Variants in BTBD8 observed in about 807,000 individuals in gnomAD.
BTBD8 encodes BTB domain containing 8.
Under a neutral mutation model 162.9 loss-of-function variants are expected in BTBD8, and 110 were observed. The ratio of observed to expected loss-of-function variants is 0.68; its 90% CI spans 0.58 to 0.79. The LOEUF is 0.79. BTBD8 is among the 30% of genes least tolerant of loss of function. The pLI is 0.00. For missense variants in BTBD8, 1,905 were observed against 2,085.4 expected, an observed-to-expected ratio of 0.91 and a Z score of 1.68; for synonymous variants, 667 against 716.1, an observed-to-expected ratio of 0.93 and a Z score of 1.10.
At chr1:92,175,919 A>T (rs1326911797) in intron 13 of BTBD8, among the ~76,000 whole-genome samples, 2 of 152,228 alleles carry the variant, frequency 1.3e-5, no homozygotes, top group Non-Finnish European at 2.9e-5. Context: ...TTCTAAGGAA[A>T]ATGATGAAGT....
intron 9 of BTBD8, among the ~76,000 whole-genome samples, chr1:92,156,986 CTTT>C (rs1344295846): frequency 2.7e-5 from 4 of 146,148 alleles, no homozygotes; most frequent in Admixed American, 6.8e-5. Flanking sequence ...GGCTTAGTTT[CTTT>C]TTTTAGTTCC....
intron 9 of BTBD8, among the ~76,000 whole-genome samples, chr1:92,156,147 T>A (rs1650154777): frequency 6.6e-6 from 1 of 152,238 alleles, no homozygotes; most frequent in Non-Finnish European, 1.5e-5. Flanking sequence ...AATTGAATCT[T>A]GTCAAATACT....
At chr1:92,082,670 A>T (rs867041543) in intron 1 of BTBD8, among the ~76,000 whole-genome samples, 15 of 152,348 alleles carry the variant, frequency 9.8e-5, no homozygotes, top group South Asian at 2.1e-4. Flanking sequence ...AGTAAGGAAC[A>T]GAGACACTCC....
At chr1:92,154,233 T>C (rs1315881605) in intron 9 of BTBD8, among the ~76,000 whole-genome samples, 1 of 152,198 alleles carries the variant, frequency 6.6e-6, no homozygotes, top group Non-Finnish European at 1.5e-5. Context: ...TAAACCTCTT[T>C]TCCTTATAAA....
At position 92,180,809 on chromosome 1, in the gene BTBD8, G is replaced by T. The variant is rs1650871061; in HGVS notation, c.3126G>T (p.Leu1042=). The T allele has an allele frequency of 3.9e-6, 6 of 1,551,418 alleles. No individual in the cohort carries two copies. ...TGGATAAATCATTAAAACACGAACTGGAATCAAAACAGATTTGTTTAGATA... is the reference window on the plus strand; with the variant it reads ...TGGATAAATCATTAAAACACGAACTTGAATCAAAACAGATTTGTTTAGATA... ...SKLDKSLKHE[L]ESKQICLDKS... Residue 1042 remains leucine (L), a synonymous_variant, in exon 17 of 18, where the codon CTG becomes CTT. Transcript: ENST00000636805.
chr1:92,165,086 A>T (rs1039583415), intron 9 of BTBD8, among the ~76,000 whole-genome samples: 23 of 151,582 alleles, frequency 1.5e-4, no homozygotes, highest in African/African-American at 5.1e-4. Flanking sequence ...AAGCCACTAC[A>T]TTCCAGCCTG....
chr1:92,082,701 G>C (rs914160099), intron 1 of BTBD8, among the ~76,000 whole-genome samples: 7 of 152,196 alleles, frequency 4.6e-5, no homozygotes, highest in Non-Finnish European at 8.8e-5. Flanking sequence ...GACGTGACAA[G>C]ATATGTAGAG....
At chr1:92,159,256 T>C (rs966700968) in intron 9 of BTBD8, among the ~76,000 whole-genome samples, 3 of 151,792 alleles carry the variant, frequency 2.0e-5, no homozygotes, top group African/African-American at 7.3e-5. Context: ...CACTGCAGTC[T>C]CAGCTTCATA....
At chr1:92,151,824 A>G (rs1650053041) in intron 9 of BTBD8, among the ~76,000 whole-genome samples, 1 of 152,172 alleles carries the variant, frequency 6.6e-6, no homozygotes, top group Non-Finnish European at 1.5e-5. Flanking sequence ...CCATTCCTGA[A>G]TTATTTAGAA....
chr1:92,135,259 C>T (rs1465779208), intron 5 of BTBD8, among the ~76,000 whole-genome samples: 1 of 152,104 alleles, frequency 6.6e-6, no homozygotes, highest in Non-Finnish European at 1.5e-5. Context: ...GAACTTGGCT[C>T]ACTGCAATCT....
chr1:92,113,615 C>T (rs1648956490), intron 4 of BTBD8, among the ~76,000 whole-genome samples: 1 of 152,188 alleles, frequency 6.6e-6, no homozygotes, highest in South Asian at 2.1e-4. Flanking sequence ...TTGCTGGCCT[C>T]AGTCATTGTC....
At chr1:92,172,874 C>T (rs1038226802) in intron 13 of BTBD8, among the ~76,000 whole-genome samples, 2 of 152,136 alleles carry the variant, frequency 1.3e-5, no homozygotes, top group South Asian at 2.1e-4. Context: ...TCACAAGATA[C>T]GAGCTCCATC....
In BTBD8 at chr1:92,184,057, G is replaced by T. The variant is rs1006868580; in HGVS notation, c.5106G>T (p.Lys1702Asn). ...CAAAACAAGATTGGACACTACTAAA[G>T]CAACTGCTCTCTGAACAGGATTCAA... is the stretch of plus-strand genomic sequence containing the variant. ...HFAKQDWTLL[K>N]QLLSEQDSNL... Residue 1702 changes from lysine (K) to asparagine (N), a missense_variant, in exon 18 of 18, where the codon AAG becomes AAT. Physicochemically the swap from Lys to Asn is moderately conservative, Grantham distance 94. Coordinates refer to ENST00000636805, the MANE Select transcript of BTBD8 (RefSeq NM_001376131.1). The T allele has an allele frequency of 3.0e-5, 47 of 1,551,530 alleles. No individual in the cohort carries two copies. The highest frequency in any genetic ancestry group is 3.8e-5 in the Non-Finnish European group (44 of 1,146,910).
At chr1:92,152,111 G>C (rs1274057352) in intron 9 of BTBD8, among the ~76,000 whole-genome samples, 1 of 152,066 alleles carries the variant, frequency 6.6e-6, no homozygotes, top group Non-Finnish European at 1.5e-5. Flanking sequence ...GCAAAACCTA[G>C]TCTTAAAACC....
At position 92,166,950 on chromosome 1, in the gene BTBD8, A is replaced by T; in HGVS notation, c.1123-8A>T. On this transcript the variant is annotated splice_polypyrimidine_tract_variant and splice_region_variant and intron_variant, in intron 9 of 17. Coordinates refer to ENST00000636805, the MANE Select transcript of BTBD8 (RefSeq NM_001376131.1). Reference sequence around the variant, plus strand: ...CATCTAACTTTCCAATTTTTTTTTAAATCTAAGAATGATAAGAATGCTGCT... The same window carrying T: ...CATCTAACTTTCCAATTTTTTTTTATATCTAAGAATGATAAGAATGCTGCT... The T allele has an allele frequency of 6.6e-7, 1 of 1,523,026 alleles. No homozygotes were observed. The highest frequency in any genetic ancestry group is 2.2e-5 in the Admixed American group (1 of 44,974). The allele number at this position is 1,523,026 out of a possible 1,614,324, so 94.3% of individuals were successfully genotyped here.
chr1:92,095,974 CT>C (rs535512186), intron 2 of BTBD8, among the ~76,000 whole-genome samples: 127 of 146,610 alleles, frequency 8.7e-4, no homozygotes, highest in East Asian at 1.2e-3. Context: ...AATCTTACTA[CT>C]TTTTTTTTTT....
intron 4 of BTBD8, among the ~76,000 whole-genome samples, chr1:92,123,776 CAAAAAAAAA>C (rs529220915): frequency 1.2e-5 from 1 of 84,494 alleles, no homozygotes; most frequent in Non-Finnish European, 2.2e-5. Flanking sequence ...GACTCCGTCT[CAAAAAAAAA>C]AAAAAAAAAA....
intron 1 of BTBD8, among the ~76,000 whole-genome samples, chr1:92,084,818 A>T (rs1408525308): frequency 1.3e-5 from 2 of 152,188 alleles, no homozygotes; most frequent in Non-Finnish European, 2.9e-5. Flanking sequence ...TGTAGGGTAC[A>T]GTTAAGCTCT....
At chr1:92,177,580 T>C in intron 14 of BTBD8, 34 bp downstream of exon 14, 1 of 1,368,112 alleles carries the variant, frequency 7.3e-7, no homozygotes, top group Non-Finnish European at 9.8e-7. Context: ...TAATATCTCC[T>C]GACAGTTAAA....
Sources: allele counts gnomAD v4.1 joint callset (sites outside exome capture counted in the v4.1 genomes callset), GRCh38; gene constraint gnomAD v4.1.1; transcripts MANE v1.5; gene names NCBI Gene and HGNC (gene_info 2026-07-23, HGNC 2026-07-21).